Variants in SP2 observed in about 807,000 individuals in gnomAD.
The protein encoded by SP2 is Sp2 transcription factor.
In SP2, 9 loss-of-function variants were observed where a neutral mutation model predicts 50.1. That is an observed-to-expected ratio of 0.18 (90% CI 0.11 to 0.31). The LOEUF is 0.31. SP2 is among the 10% of genes least tolerant of loss of function. SP2 has a pLI of 1.00. For synonymous variants in SP2, 313 were observed against 326.6 expected (o/e 0.96, Z 0.45); for missense variants, 581 against 806.5 (o/e 0.72, Z 3.39).
chr17:47,898,311 G>C (rs568110248), intron 1 of SP2: 2 of 152,358 alleles, frequency 1.3e-5, no homozygotes, highest in Admixed American at 6.5e-5. Flanking sequence ...TCAGCAAGTA[G>C]AGTGGTTGGT....
At chr17:47,906,599 G>C (rs1165236647) in intron 1 of SP2, among the ~76,000 whole-genome samples, 1 of 152,230 alleles carries the variant, frequency 6.6e-6, no homozygotes, top group African/African-American at 2.4e-5. Flanking sequence ...AACAGCCAGA[G>C]ACCTGAAGGG....
chr17:47,902,948 G>A (rs548983205), intron 1 of SP2, among the ~76,000 whole-genome samples: 49 of 152,020 alleles, frequency 3.2e-4, no homozygotes, highest in Non-Finnish European at 6.0e-4. Context: ...TAGAGACGAG[G>A]TTTCGCCATG....
chr17:47,922,937 A>ATTTTTT, intron 3 of SP2, 25 bp from the exon 4 acceptor site: 1 of 1,589,642 alleles, frequency 6.3e-7, no homozygotes, highest in Non-Finnish European at 8.6e-7. Context: ...CCAGGCACTG[A>ATTTTTT]TTTTTTTTCT....
intron 5 of SP2, 88 bp from the exon 6 acceptor site, chr17:47,925,260 C>A: frequency 7.0e-7 from 1 of 1,430,434 alleles, no homozygotes; most frequent in Non-Finnish European, 9.6e-7. Context: ...GACCCCACAT[C>A]CTCACTGCAT....
intron 1 of SP2, chr17:47,898,465 C>A (rs372223086): frequency 6.6e-6 from 1 of 152,180 alleles, no homozygotes; most frequent in Non-Finnish European, 1.5e-5. Flanking sequence ...AACCAGGGCC[C>A]TTATGAAGAC....
intron 1 of SP2, among the ~76,000 whole-genome samples, chr17:47,912,007 T>C (rs1183273409): frequency 6.6e-6 from 1 of 152,146 alleles, no homozygotes; most frequent in Admixed American, 6.5e-5. Flanking sequence ...TTCCTCCTTG[T>C]TTGTTCACAA....
chr17:47,917,065 C>T lies in SP2; in HGVS notation c.994C>T (p.Pro332Ser). ...GGTGCAGGCGGCATCTGCCACCCTC[C>T]CCACTGTACCCCAGAAGCCCTCCCA... The part of the protein sequence containing the change: ...RVVQAASATL[P>S]TVPQKPSQNF... Residue 332 changes from proline (P) to serine (S), a missense_variant, in exon 3 of 7, where the codon CCC becomes TCC. Around this residue, in one of 2 missense-constraint regions of SP2, gnomAD observed 397 missense variants for 491.0 expected, o/e 0.81. Transcript: ENST00000376741. 6.2e-7 allele frequency: 1 copy of T among 1,613,642 alleles called. No homozygotes were observed.
At chr17:47,921,196 CATT>C (rs1235534068) in intron 3 of SP2, among the ~76,000 whole-genome samples, 1 of 152,178 alleles carries the variant, frequency 6.6e-6, no homozygotes, top group African/African-American at 2.4e-5. Flanking sequence ...TTAATTCTGT[CATT>C]GTCTTCCTCC....
At chr17:47,915,214 C>CAA (rs60876460) in intron 1 of SP2, 98 bp from the exon 2 acceptor site, 15,461 of 709,582 alleles carry the variant, frequency 0.022, 200 homozygotes, top group African/African-American at 0.098. Flanking sequence ...AATTCCGTCT[C>CAA]AAAAAAAAAA....
At chr17:47,901,420 C>A (rs994956619) in intron 1 of SP2, among the ~76,000 whole-genome samples, 1 of 151,764 alleles carries the variant, frequency 6.6e-6, no homozygotes, top group Non-Finnish European at 1.5e-5. Flanking sequence ...GCTAGGATTA[C>A]AGGCGTGAGC....
chr17:47,921,519 T>A (rs967060499), intron 3 of SP2, among the ~76,000 whole-genome samples: 2 of 152,268 alleles, frequency 1.3e-5, no homozygotes, highest in South Asian at 4.1e-4. Flanking sequence ...CCCAAAGTGC[T>A]GGGATTACAG....
intron 1 of SP2, among the ~76,000 whole-genome samples, chr17:47,896,637 C>T (rs1328609309): frequency 6.6e-6 from 1 of 152,218 alleles, no homozygotes; most frequent in Non-Finnish European, 1.5e-5. Context: ...CGCCGCTCTC[C>T]CGCCTGGGCG....
Position 47,924,997 on chromosome 17 carries a change from T to C in SP2, c.1451T>C (p.Leu484Pro). The change falls in exon 5 of 7, where the codon CTG (leucine) becomes CCG (proline). Residue 484 changes from leucine (L) to proline (P), a missense_variant. Around this residue, in one of 2 missense-constraint regions of SP2, gnomAD observed 184 missense variants for 315.5 expected, o/e 0.58. Transcript: ENST00000376741. ...ISGLSPTQIQ[L>P]QMEQALAGET... ...GGGCTGAGCCCCACCCAGATCCAGCTGCAAATGGAACAAGCCCTGGCCGGA... is the reference window on the plus strand; with the variant it reads ...GGGCTGAGCCCCACCCAGATCCAGCCGCAAATGGAACAAGCCCTGGCCGGA... The C allele has an allele frequency of 6.2e-7, 1 of 1,614,094 alleles. No homozygotes were observed. Among genetic ancestry groups the C allele is most frequent in the East Asian group, 2.2e-5 (1 of 44,870 alleles).
At chr17:47,915,214 C>CAAA (rs60876460) in intron 1 of SP2, 98 bp from the exon 2 acceptor site, 321 of 715,640 alleles carry the variant, frequency 4.5e-4, no homozygotes, top group African/African-American at 1.5e-3. Context: ...AATTCCGTCT[C>CAAA]AAAAAAAAAA....
chr17:47,931,634 C>T (rs1384011927), downstream of SP2, among the ~76,000 whole-genome samples: 1 of 152,166 alleles, frequency 6.6e-6, no homozygotes, highest in Non-Finnish European at 1.5e-5. Context: ...CTTAAAGTTG[C>T]CACACCCAGA....
At chr17:47,907,610 A>G (rs2034814799) in intron 1 of SP2, among the ~76,000 whole-genome samples, 1 of 152,246 alleles carries the variant, frequency 6.6e-6, no homozygotes, top group Non-Finnish European at 1.5e-5. Flanking sequence ...AAGAATATGC[A>G]CTAATCCCAC....
In SP2 at chr17:47,916,985, C is replaced by T; in HGVS notation, c.914C>T (p.Pro305Leu). The T allele has an allele frequency of 6.2e-7, 1 of 1,614,140 alleles. No homozygotes were observed. Among genetic ancestry groups the T allele is most frequent in the Non-Finnish European group, 8.5e-7 (1 of 1,179,990 alleles). The change falls in exon 3 of 7, where the codon CCC becomes CTC. Residue 305 changes from proline to leucine, a missense_variant. Around this residue, in one of 2 missense-constraint regions of SP2, gnomAD observed 397 missense variants for 491.0 expected, o/e 0.81. Coordinates refer to ENST00000376741, the MANE Select transcript of SP2 (RefSeq NM_003110.6). This position sits in a 1 kb window ranked among gnomAD's most constrained non-coding sequence, Gnocchi z 4.7. ...PAVVQQVQVV[P>L]PKAEQQQVVQ... ...GTGGTCCAGCAGGTCCAGGTGGTGC[C>T]CCCCAAGGCCGAGCAGCAGCAGGTG...
At chr17:47,898,501 G>A (rs1214989717) in intron 1 of SP2, 1 of 152,206 alleles carries the variant, frequency 6.6e-6, no homozygotes, top group Non-Finnish European at 1.5e-5. Flanking sequence ...CAGCCAACCA[G>A]TAGACCTTAG....
intron 1 of SP2, among the ~76,000 whole-genome samples, chr17:47,911,951 T>C (rs915089921): frequency 1.3e-5 from 2 of 152,208 alleles, no homozygotes; most frequent in African/African-American, 4.8e-5. Context: ...GGTGGAGGCA[T>C]GCTCAGCTTA....
Sources: gnomAD v4.1 joint callset for allele counts (sites outside exome capture counted in the v4.1 genomes callset) on GRCh38, gnomAD v4.1.1 for gene constraint, gnomAD v4.1.1 regional missense constraint, Gnocchi (gnomAD v3.1) non-coding constraint, MANE v1.5 for transcripts, NCBI Gene and HGNC (gene_info 2026-07-23, HGNC 2026-07-21) for gene names.